ACSM4: variants seen among roughly 807,000 people sequenced by gnomAD.
The protein encoded by ACSM4 is acyl-coenzyme A synthetase ACSM4, mitochondrial.
ACSM4 carries 66 observed loss-of-function variants against 73.0 expected under a neutral mutation model. The ratio of observed to expected loss-of-function variants is 0.90; its 90% CI spans 0.74 to 1.11. ACSM4 has a LOEUF of 1.11. ACSM4 is among the 50% of genes least tolerant of loss of function. The pLI, the probability that ACSM4 is intolerant of heterozygous loss-of-function variation, is 0.00. For synonymous variants in ACSM4, 222 were observed against 254.0 expected (o/e 0.87, Z 1.20); for missense variants, 645 against 714.4 (o/e 0.90, Z 1.11).
intron 6 of ACSM4, among the ~76,000 whole-genome samples, chr12:7,321,353 T>TTTAC (rs1946462070): frequency 6.6e-6 from 1 of 152,238 alleles, no homozygotes; most frequent in Non-Finnish European, 1.5e-5. Context: ...AGTTGCAATG[T>TTTAC]ATATTTGTTT....
chr12:7,309,806 CAG>C (rs1946380199), intron 2 of ACSM4, among the ~76,000 whole-genome samples: 1 of 152,130 alleles, frequency 6.6e-6, no homozygotes, highest in African/African-American at 2.4e-5. Flanking sequence ...TTGTTTGAGA[CAG>C]AGTCTCACTC....
intron 2 of ACSM4, among the ~76,000 whole-genome samples, chr12:7,308,450 T>C (rs1167703386): frequency 2.0e-5 from 3 of 152,212 alleles, no homozygotes; most frequent in African/African-American, 7.2e-5. Flanking sequence ...TGAAATTGTT[T>C]GTACTATATC....
chr12:7,324,762 G>A (rs1229565887), intron 11 of ACSM4, among the ~76,000 whole-genome samples, 164 bp downstream of exon 11: 2 of 151,642 alleles, frequency 1.3e-5, no homozygotes, highest in Non-Finnish European at 2.9e-5. Flanking sequence ...AATAAGTTGT[G>A]TCCCAAAGGG....
chr12:7,319,964 C>T (rs916375700), intron 5 of ACSM4, among the ~76,000 whole-genome samples: 1 of 152,216 alleles, frequency 6.6e-6, no homozygotes, highest in African/African-American at 2.4e-5. Flanking sequence ...TAATTAGACT[C>T]TGCGGAGCAG....
At position 7,309,887 on chromosome 12, in the gene ACSM4, G is replaced by T. The variant is rs142147944; in HGVS notation, c.413-652G>T. ...CAGCTTCCATCTCCAGGGTTCAAGTGATTCTCCTGCCTAGGCCTCCTGAGT... is the reference window on the plus strand; with the variant it reads ...CAGCTTCCATCTCCAGGGTTCAAGTTATTCTCCTGCCTAGGCCTCCTGAGT... On this transcript the variant is annotated intron_variant, in intron 2 of 12. Coordinates refer to ENST00000399422, the MANE Select transcript of ACSM4 (RefSeq NM_001080454.2). Among the ~76,000 whole-genome samples, 391 of 152,282 alleles carry T rather than the reference G, an allele frequency of 2.6e-3. 4 individuals are homozygous for T. Among genetic ancestry groups the T allele is most frequent in the African/African-American group, 8.4e-3 (349 of 41,558 alleles).
intron 5 of ACSM4, among the ~76,000 whole-genome samples, chr12:7,318,804 A>G (rs766235223): frequency 7.9e-5 from 12 of 152,334 alleles, no homozygotes; most frequent in African/African-American, 2.6e-4. Context: ...TAAGTTTAAC[A>G]AAATACATAT....
rs183151830 is a variant in ACSM4 at position 7,324,994 on chromosome 12, C to A, written c.1536+396C>A. 7.9e-4 allele frequency among the ~76,000 whole-genome samples: 121 copies of A among 152,340 alleles called. 1 individual carries two copies. The highest frequency in any genetic ancestry group is 3.4e-3 in the Middle Eastern group (1 of 294). The stretch of plus-strand genomic sequence containing the variant: ...TGATCAGATTCTTCCTACTTGATAG[C>A]AACCAACTCCAGGTGTATACACCTT... On this transcript the variant is annotated intron_variant, in intron 11 of 12. Coordinates refer to ENST00000399422, the MANE Select transcript of ACSM4 (RefSeq NM_001080454.2).
chr12:7,324,774 T>C (rs1342100566), intron 11 of ACSM4, among the ~76,000 whole-genome samples, 176 bp downstream of exon 11: 1 of 150,980 alleles, frequency 6.6e-6, no homozygotes, highest in Non-Finnish European at 1.5e-5. Flanking sequence ...CCCAAAGGGG[T>C]GGTATTAGAA....
chr12:7,318,135 G>GT lies in ACSM4; in HGVS notation c.879dup (p.Val294CysfsTer8), dbSNP rs1565753991. ...TTCTTCCTGGCTGTGTGGAGCCTGT[G>GT]TTTTTGTGCATCGAATGGCACAGTT... On this transcript the variant is annotated frameshift_variant, in exon 5 of 13. Coordinates refer to ENST00000399422, the MANE Select transcript of ACSM4 (RefSeq NM_001080454.2). LOFTEE classifies it high-confidence loss of function. The GT allele has an allele frequency of 6.2e-7, 1 of 1,613,810 alleles. No homozygotes were observed. Among genetic ancestry groups the GT allele is most frequent in the Non-Finnish European group, 8.5e-7 (1 of 1,179,844 alleles).
chr12:7,323,412 T>C lies in ACSM4; in HGVS notation c.1207-47T>C, dbSNP rs181632903. On this transcript the variant is annotated intron_variant, in intron 8 of 12. Transcript: ENST00000399422. ...AACTATTCATAAGCTGCTTTCATTTTTGTGAAAAGAAAATTTTAAGACCAT... is the reference window on the plus strand; with the variant it reads ...AACTATTCATAAGCTGCTTTCATTTCTGTGAAAAGAAAATTTTAAGACCAT... 687 of 1,605,326 alleles carry C rather than the reference T, an allele frequency of 4.3e-4. 3 individuals carry two copies. In the African/African-American group the frequency reaches 7.9e-3, roughly 19 times the overall value.
chr12:7,323,515 C>T lies in ACSM4; in HGVS notation c.1263C>T (p.Leu421=). 6.2e-7 allele frequency: 1 copy of T among 1,613,872 alleles called. No homozygotes were observed. The highest frequency in any genetic ancestry group is 8.5e-7 in the Non-Finnish European group (1 of 1,179,838). The part of the protein sequence containing the change: ...LPPGKEGEIA[L]RLKPTRPFCF... ...CTGGCAAAGAAGGGGAAATTGCCCT[C>T]AGACTCAAACCTACACGGCCCTTCT... The change falls in exon 9 of 13, where the codon CTC becomes CTT. Residue 421 remains leucine, a synonymous_variant. Coordinates refer to ENST00000399422, the MANE Select transcript of ACSM4 (RefSeq NM_001080454.2).
At chr12:7,324,443 G>A (rs1373836981) in intron 10 of ACSM4, 43 bp downstream of exon 10, 1 of 1,613,970 alleles carries the variant, frequency 6.2e-7, no homozygotes. Flanking sequence ...ATTCGACAGG[G>A]AGGGAGATCT....
intron 3 of ACSM4, among the ~76,000 whole-genome samples, chr12:7,315,546 A>T (rs1946415740): frequency 6.6e-6 from 1 of 152,052 alleles, no homozygotes; most frequent in Non-Finnish European, 1.5e-5. Context: ...TGGGAGGTAG[A>T]GGTTGTAGGG....
At chr12:7,323,884 A>T (rs145379180) in intron 9 of ACSM4, among the ~76,000 whole-genome samples, 1 of 152,180 alleles carries the variant, frequency 6.6e-6, no homozygotes, top group Admixed American at 6.5e-5. Flanking sequence ...TTTTAAAAAA[A>T]TTTAATTTCC....
chr12:7,308,522 C>G (rs775696303), intron 2 of ACSM4, among the ~76,000 whole-genome samples: 91 of 152,246 alleles, frequency 6.0e-4, no homozygotes, highest in South Asian at 8.3e-4. Context: ...GAGATATATG[C>G]TATCTGAAAT....
intron 11 of ACSM4, among the ~76,000 whole-genome samples, chr12:7,325,269 C>T (rs767392413): frequency 6.6e-6 from 1 of 152,352 alleles, no homozygotes; most frequent in Admixed American, 6.5e-5. Flanking sequence ...GGAACAGATA[C>T]TGCATAGGCA....
Position 7,322,344 on chromosome 12 carries a change from G to C in ACSM4, c.1002-74G>C. 3 of 1,595,678 alleles carry C rather than the reference G, an allele frequency of 1.9e-6. No homozygotes were observed. The South Asian group carries it at 3.3e-5, about 18-fold the overall frequency. ...CTCCTAGCTGCTATGCTTACTGCTT[G>C]AATGTCCTAATTGTCTTGCAGTGAA... On this transcript the variant is annotated intron_variant, in intron 6 of 12. Coordinates refer to ENST00000399422, the MANE Select transcript of ACSM4 (RefSeq NM_001080454.2).
chr12:7,317,069 C>CA, intron 3 of ACSM4, 68 bp from the exon 4 acceptor site: 1 of 1,530,026 alleles, frequency 6.5e-7, no homozygotes, highest in Non-Finnish European at 8.8e-7. Flanking sequence ...AGTAGTTGAG[C>CA]AGAGGAAATA....
intron 2 of ACSM4, 104 bp downstream of exon 2, chr12:7,306,847 C>CAAAAAAAA (rs59277746): frequency 5.1e-5 from 25 of 488,314 alleles, no homozygotes; most frequent in African/African-American, 1.7e-4. Flanking sequence ...ATACAGAAGA[C>CAAAAAAAA]AAAAAAAAAA....
Sources: allele counts gnomAD v4.1 joint callset (sites outside exome capture counted in the v4.1 genomes callset), GRCh38; gene constraint gnomAD v4.1.1; transcripts MANE v1.5; gene names NCBI Gene and HGNC (gene_info 2026-07-23, HGNC 2026-07-21).